The following ANAPC10 variants were observed in gnomAD, a reference collection of about 807,000 sequenced individuals.
ANAPC10 encodes the protein anaphase-promoting complex subunit 10.
ANAPC10 carries 12 observed loss-of-function variants against 22.0 expected under a neutral mutation model. The ratio of observed to expected loss-of-function variants is 0.55; its 90% CI spans 0.35 to 0.88. ANAPC10 has a LOEUF of 0.88. ANAPC10 is among the 40% of genes least tolerant of loss of function. The pLI, the probability that ANAPC10 is intolerant of heterozygous loss-of-function variation, is 0.01. For synonymous variants in ANAPC10, 65 were observed against 69.5 expected, an observed-to-expected ratio of 0.94 and a Z score of 0.32; for missense variants, 188 against 220.9, an observed-to-expected ratio of 0.85 and a Z score of 0.94.
At chr4:145,096,901 C>T (rs149838060) in intron 1 of ANAPC10, among the ~76,000 whole-genome samples, 24 of 152,100 alleles carry the variant, frequency 1.6e-4, no homozygotes, top group African/African-American at 4.8e-4. Context: ...GTCATACCTG[C>T]CCTCTAGCTG....
intron 2 of ANAPC10, among the ~76,000 whole-genome samples, chr4:145,088,087 T>G (rs1235220394): frequency 1.3e-5 from 2 of 152,098 alleles, no homozygotes; most frequent in Non-Finnish European, 2.9e-5. Flanking sequence ...ATTAACTAAC[T>G]TCCTGAAACA....
In ANAPC10 at chr4:144,997,326, G is replaced by T. The variant is rs370740919; in HGVS notation, c.328-1723C>A. On this transcript the variant is annotated intron_variant, in intron 4 of 4. Transcript: ENST00000507656. ...TTGATATGAAGGAAAAATATTAAGGGCAGCCAGACAGAAAGGTCGGGTTGC... is the reference window on the plus strand; with the variant it reads ...TTGATATGAAGGAAAAATATTAAGGTCAGCCAGACAGAAAGGTCGGGTTGC... Among the ~76,000 whole-genome samples the T allele has an allele frequency of 3.9e-5, 6 of 152,228 alleles. 1 individual carries two copies.
chr4:145,058,322 G>C (rs72952189), intron 4 of ANAPC10, among the ~76,000 whole-genome samples: 2 of 152,122 alleles, frequency 1.3e-5, no homozygotes, highest in East Asian at 3.9e-4. Context: ...ACTTGATTTT[G>C]CACCTGAATA....
intron 4 of ANAPC10, among the ~76,000 whole-genome samples, chr4:145,056,395 A>G (rs2126389010): frequency 6.6e-6 from 1 of 152,316 alleles, no homozygotes. Context: ...TGTTTAGCAT[A>G]TCATCAAGAA....
intron 4 of ANAPC10, among the ~76,000 whole-genome samples, chr4:145,036,493 G>T (rs747173372): frequency 6.6e-6 from 1 of 152,108 alleles, no homozygotes; most frequent in Non-Finnish European, 1.5e-5. Flanking sequence ...TATGATTGTT[G>T]CAAGTGCTAC....
chr4:145,070,910 A>C (rs948739659), intron 3 of ANAPC10, among the ~76,000 whole-genome samples: 1 of 152,236 alleles, frequency 6.6e-6, no homozygotes, highest in Non-Finnish European at 1.5e-5. Flanking sequence ...AATATTATAT[A>C]ATTCCACTTA....
intron 4 of ANAPC10, among the ~76,000 whole-genome samples, chr4:145,047,369 G>A (rs779023742): frequency 3.6e-4 from 54 of 152,094 alleles, no homozygotes; most frequent in Non-Finnish European, 6.2e-4. Context: ...CAAGGTTAGA[G>A]AACTCTGCGT....
At chr4:145,031,778 G>A (rs1350049940) in intron 4 of ANAPC10, among the ~76,000 whole-genome samples, 2 of 152,168 alleles carry the variant, frequency 1.3e-5, no homozygotes, top group African/African-American at 4.8e-5. Context: ...GCAAGGGCCT[G>A]CCATCTTTTG....
chr4:145,078,302 G>T (rs533992354), intron 3 of ANAPC10, among the ~76,000 whole-genome samples: 1 of 151,758 alleles, frequency 6.6e-6, no homozygotes, highest in East Asian at 1.9e-4. Context: ...AAAACACCTG[G>T]GAATACAGCT....
intron 4 of ANAPC10, among the ~76,000 whole-genome samples, chr4:145,055,425 G>C (rs1741902335): frequency 6.6e-6 from 1 of 152,146 alleles, no homozygotes; most frequent in Non-Finnish European, 1.5e-5. Context: ...GGGCATGGTG[G>C]TGTGTGCCTG....
chr4:145,080,500 G>A (rs1271288104), intron 3 of ANAPC10, among the ~76,000 whole-genome samples: 4 of 152,208 alleles, frequency 2.6e-5, no homozygotes, highest in Non-Finnish European at 4.4e-5. Context: ...CAAAACAGAT[G>A]AGATGGCCCA....
chr4:145,076,704 A>G (rs1271763199), intron 3 of ANAPC10, among the ~76,000 whole-genome samples: 1 of 152,234 alleles, frequency 6.6e-6, no homozygotes, highest in East Asian at 1.9e-4. Context: ...AAGGAATCTA[A>G]GGAATCCAGT....
chr4:145,007,309 C>T (rs1189048766), intron 4 of ANAPC10, among the ~76,000 whole-genome samples: 1 of 152,124 alleles, frequency 6.6e-6, no homozygotes, highest in Admixed American at 6.6e-5. Context: ...ATCCATAGAA[C>T]TCTCCACCCC....
intron 3 of ANAPC10, among the ~76,000 whole-genome samples, chr4:145,080,533 C>G (rs1745841980): frequency 6.6e-6 from 1 of 152,216 alleles, no homozygotes; most frequent in Admixed American, 6.5e-5. Context: ...TATTCACTAT[C>G]TGGCTTGTTG....
chr4:145,002,171 C>T lies in ANAPC10; in HGVS notation c.328-6568G>A, dbSNP rs36110528. Among the ~76,000 whole-genome samples, 669 of 152,228 alleles carry T rather than the reference C, an allele frequency of 4.4e-3. 3 individuals are homozygous for T. The highest frequency in any genetic ancestry group is 0.015 in the African/African-American group (615 of 41,532). ...GAAGCAGCAGATTCTAGAATTTTAA[C>T]CATCCTTTCACTTAGAAAGAAACTG... On this transcript the variant is annotated intron_variant, in intron 4 of 4. Coordinates refer to ENST00000507656, the MANE Select transcript of ANAPC10 (RefSeq NM_001256706.2).
intron 4 of ANAPC10, among the ~76,000 whole-genome samples, chr4:145,045,295 T>A (rs1740135678): frequency 6.6e-6 from 1 of 152,122 alleles, no homozygotes; most frequent in Non-Finnish European, 1.5e-5. Flanking sequence ...ACAGACATTG[T>A]TCACCTATTC....
At chr4:145,053,779 G>T in intron 4 of ANAPC10, 1 of 651,496 alleles carries the variant, frequency 1.5e-6, no homozygotes, top group African/African-American at 1.9e-5. Context: ...TAAAACATGA[G>T]GCTGAAAAAA....
At chr4:145,065,595 G>C (rs527344931) in intron 3 of ANAPC10, among the ~76,000 whole-genome samples, 17 of 151,936 alleles carry the variant, frequency 1.1e-4, no homozygotes, top group Non-Finnish European at 2.4e-4. Flanking sequence ...GAAAAATCTT[G>C]TCCTGTGATT....
intron 4 of ANAPC10, among the ~76,000 whole-genome samples, chr4:145,045,476 C>T (rs1560869926): frequency 6.6e-6 from 1 of 152,014 alleles, no homozygotes. Flanking sequence ...TGGTCATCTC[C>T]CCATGTCATC....
Sources: allele counts gnomAD v4.1 joint callset (sites outside exome capture counted in the v4.1 genomes callset), GRCh38; gene constraint gnomAD v4.1.1; transcripts MANE v1.5; gene names NCBI Gene and HGNC (gene_info 2026-07-23, HGNC 2026-07-21).